The following CUX1 variants were observed in gnomAD, a reference collection of about 807,000 sequenced individuals.
CUX1 encodes protein CASP.
A neutral mutation model predicts 158.8 loss-of-function variants in CUX1; 31 were observed. The observed-to-expected ratio is 0.20, with a 90% CI of 0.15 to 0.26. The LOEUF (loss-of-function observed/expected upper bound fraction) is 0.26, where lower values mean the gene tolerates loss of function less well. Among genes scored for constraint, CUX1 ranks in the 10% least tolerant of loss-of-function variants. The probability of loss-of-function intolerance (pLI) is 1.00; values close to 1 mark genes in which losing one functional copy is unlikely to be tolerated. For synonymous variants in CUX1, 879 were observed against 862.1 expected, an observed-to-expected ratio of 1.02 and a Z score of -0.34; for missense variants, 1,589 against 2,014.6, an observed-to-expected ratio of 0.79 and a Z score of 4.04.
intron 6 of CUX1, among the ~76,000 whole-genome samples, chr7:102,109,514 T>G (rs1445976704): frequency 1.3e-5 from 2 of 152,118 alleles, no homozygotes; most frequent in African/African-American, 4.8e-5. Context: ...CCAGGCGAGG[T>G]GGCTCATGCC....
chr7:102,216,631 C>CA lies in CUX1; in HGVS notation c.3131-10736_3131-10735insA, dbSNP rs1563425628. ...ACACACACACTCCCCACACACACAC[C>CA]CCCACACACGCACACACACACACTC... is the stretch of plus-strand genomic sequence containing the variant. On this transcript the variant is annotated intron_variant, in intron 20 of 23. Coordinates refer to ENST00000292535, the MANE Select transcript of CUX1 (RefSeq NM_181552.4). Among the ~76,000 whole-genome samples, 49 of 61,312 alleles carry CA rather than the reference C, an allele frequency of 8.0e-4. No homozygotes were observed. In the South Asian group the frequency reaches 0.015, roughly 19 times the overall value. 40.2% of individuals were successfully genotyped at this position (61,312 alleles called of 152,430 possible).
At position 102,189,857 on chromosome 7, in the gene CUX1, G is replaced by A; in HGVS notation, c.1062G>A (p.Val354=). 1 of 1,614,284 alleles carries A rather than the reference G, an allele frequency of 6.2e-7. No homozygotes were observed. The highest frequency in any genetic ancestry group is 8.5e-7 in the Non-Finnish European group (1 of 1,180,052). ...KLKGQADYEE[V]KKELNILKSM... is the part of the protein sequence containing the mutation. ...AAGGCCAGGCTGACTATGAAGAGGT[G>A]AAGAAAGAGCTGAAGTAAGTACGGA... is the stretch of plus-strand genomic sequence containing the variant. The change falls in exon 12 of 24, where the codon GTG becomes GTA. Residue 354 remains valine, a synonymous_variant. Transcript: ENST00000292535.
At chr7:101,817,551 C>T (rs905536401), upstream of CUX1, 20 of 1,296,794 alleles carry the variant, frequency 1.5e-5, no homozygotes, top group African/African-American at 1.9e-4. This position sits in a 1 kb window ranked among gnomAD's most constrained non-coding sequence, Gnocchi z 4.1. Flanking sequence ...ACCCCCCGCC[C>T]GGAGGAGCGG....
intron 2 of CUX1, among the ~76,000 whole-genome samples, chr7:101,993,067 T>C (rs1375243998): frequency 6.6e-6 from 1 of 152,162 alleles, no homozygotes; most frequent in African/African-American, 2.4e-5. Flanking sequence ...TTGTGGTTCA[T>C]GCCTGTAATC....
chr7:101,835,523 A>T (rs1367343714), intron 1 of CUX1, among the ~76,000 whole-genome samples: 2 of 152,126 alleles, frequency 1.3e-5, no homozygotes, highest in African/African-American at 4.8e-5. Context: ...GCCAGGTCAT[A>T]TGTAGTCACT....
chr7:101,980,988 A>G (rs748147672), intron 2 of CUX1, among the ~76,000 whole-genome samples: 1 of 152,142 alleles, frequency 6.6e-6, no homozygotes. Flanking sequence ...ATTTCAGGCA[A>G]TATTTAGTTT....
intron 2 of CUX1, among the ~76,000 whole-genome samples, chr7:101,983,710 C>G (rs1462118036): frequency 6.6e-6 from 1 of 151,986 alleles, no homozygotes; most frequent in Non-Finnish European, 1.5e-5. Context: ...GGGGAGGTCC[C>G]AGACTCTTTT....
intron 1 of CUX1, among the ~76,000 whole-genome samples, chr7:101,901,824 C>T (rs1352843339): frequency 6.6e-6 from 1 of 152,174 alleles, no homozygotes; most frequent in Non-Finnish European, 1.5e-5. Context: ...GTGTTCTCCT[C>T]GCGAAGGGGA....
At chr7:102,146,791 T>C (rs1286311121) in intron 8 of CUX1, among the ~76,000 whole-genome samples, 1 of 152,042 alleles carries the variant, frequency 6.6e-6, no homozygotes, top group Non-Finnish European at 1.5e-5. Context: ...AGAGATGGGG[T>C]TTCACCATGT....
intron 2 of CUX1, among the ~76,000 whole-genome samples, chr7:101,976,900 A>AATTT (rs1812761266): frequency 2.5e-5 from 1 of 39,462 alleles, no homozygotes; most frequent in African/African-American, 1.1e-4. Flanking sequence ...TCCCTTTCTG[A>AATTT]TTTTTTTTTT....
At chr7:102,089,879 G>A (rs1828349313) in intron 4 of CUX1, among the ~76,000 whole-genome samples, 1 of 152,168 alleles carries the variant, frequency 6.6e-6, no homozygotes, top group South Asian at 2.1e-4. Context: ...TCATTGTGAT[G>A]CAATCCAGAG....
upstream of CUX1, among the ~76,000 whole-genome samples, chr7:101,816,269 C>G (rs1250713743): frequency 6.9e-6 from 1 of 145,384 alleles, no homozygotes; most frequent in Non-Finnish European, 1.5e-5. Context: ...CTCCCCGGCC[C>G]CCATTGATCA....
At chr7:102,053,269 C>T (rs1823744587) in intron 3 of CUX1, among the ~76,000 whole-genome samples, 1 of 152,088 alleles carries the variant, frequency 6.6e-6, no homozygotes, top group African/African-American at 2.4e-5. Context: ...ATATCCTTTG[C>T]CCATATTCTA....
At position 102,104,463 on chromosome 7, in the gene CUX1, A is replaced by C. The variant is rs1320158075; in HGVS notation, c.530+4A>C. 1.2e-6 allele frequency: 2 copies of C among 1,612,714 alleles called. No homozygotes were observed. The highest frequency in any genetic ancestry group is 1.7e-6 in the Non-Finnish European group (2 of 1,179,602). ...ATGACTTTGCAGAAAAGGAGAGGTG[A>C]GCATGACTTCCAGGCACACACAGAC... On this transcript the variant is annotated splice_donor_region_variant and intron_variant, in intron 6 of 23. Coordinates refer to ENST00000292535, the MANE Select transcript of CUX1 (RefSeq NM_181552.4).
chr7:102,189,720 G>A (rs1554516396), intron 11 of CUX1, 93 bp from the exon 12 acceptor site: 2 of 1,365,786 alleles, frequency 1.5e-6, no homozygotes, highest in Non-Finnish European at 2.1e-6. Flanking sequence ...CCCCTCTCAG[G>A]CACAGCTGGC....
chr7:102,193,213 C>G (rs1269603173), intron 12 of CUX1, among the ~76,000 whole-genome samples: 9 of 152,240 alleles, frequency 5.9e-5, no homozygotes, highest in Non-Finnish European at 1.3e-4. Context: ...TCTCTGGCTT[C>G]TCCTTACAAC....
intron 1 of CUX1, among the ~76,000 whole-genome samples, chr7:101,865,539 ATTG>A (rs766242677): frequency 6.6e-6 from 1 of 152,172 alleles, no homozygotes; most frequent in Non-Finnish European, 1.5e-5. Context: ...ACTTTAGCGT[ATTG>A]TTGTCAAATG....
At chr7:101,831,710 C>T (rs1260355315) in intron 1 of CUX1, among the ~76,000 whole-genome samples, 2 of 143,304 alleles carry the variant, frequency 1.4e-5, no homozygotes, top group Non-Finnish European at 3.1e-5. Context: ...TCACTTCTGT[C>T]TTCTGAAGGC....
intron 2 of CUX1, among the ~76,000 whole-genome samples, chr7:101,942,983 T>A (rs1807893443): frequency 6.6e-6 from 1 of 151,864 alleles, no homozygotes; most frequent in African/African-American, 2.4e-5. Flanking sequence ...ACAGCTGTGA[T>A]TAATAACTGA....
Sources: allele counts gnomAD v4.1 joint callset (sites outside exome capture counted in the v4.1 genomes callset), GRCh38; gene constraint gnomAD v4.1.1; non-coding constraint Gnocchi (gnomAD v3.1); transcripts MANE v1.5; gene names NCBI Gene and HGNC (gene_info 2026-07-23, HGNC 2026-07-21).